The following ANO5 variants were observed in gnomAD, a reference collection of about 807,000 sequenced individuals.
The protein encoded by ANO5 is anoctamin-5.
A neutral mutation model predicts 121.0 loss-of-function variants in ANO5; 109 were observed. That is an observed-to-expected ratio of 0.90 (90% CI 0.77 to 1.06). The LOEUF (loss-of-function observed/expected upper bound fraction) is 1.06. ANO5 is among the 50% of genes least tolerant of loss of function. ANO5 has a pLI of 0.00. For synonymous variants in ANO5, 406 were observed against 359.9 expected, an observed-to-expected ratio of 1.13 and a Z score of -1.45; for missense variants, 1,064 against 1,078.5, an observed-to-expected ratio of 0.99 and a Z score of 0.19.
At chr11:22,239,727 T>G (rs376965190) in intron 9 of ANO5, 43 bp downstream of exon 9, 1 of 1,448,052 alleles carries the variant, frequency 6.9e-7, no homozygotes, top group Non-Finnish European at 9.7e-7. Flanking sequence ...AACTTGATAA[T>G]GTGATTTTTA....
At chr11:22,236,098 T>C (rs1853207132) in intron 7 of ANO5, 65 bp from the exon 8 acceptor site, 1 of 1,057,980 alleles carries the variant, frequency 9.5e-7, no homozygotes, top group Non-Finnish European at 1.5e-6. Flanking sequence ...AAATTGTGAT[T>C]GAAAGAAATG....
chr11:22,227,681 A>G lies in ANO5; in HGVS notation c.648+95A>G, dbSNP rs1008377556. 7.4e-6 allele frequency: 11 copies of G among 1,486,302 alleles called. No individual in the cohort carries two copies. In the African/African-American group the frequency reaches 1.4e-4, roughly 19 times the overall value. 92.1% of individuals were successfully genotyped at this position (1,486,302 alleles called of 1,614,324 possible). A position where few individuals can be genotyped will look rare whatever the true frequency, so the allele number is the denominator to read the frequency against. ...TGTGCAGATGTCGTACCATTTCTGC[A>G]AGGTGCTTCTGTATAGGATATAAGC... On this transcript the variant is annotated intron_variant, in intron 7 of 21. Coordinates refer to ENST00000324559, the MANE Select transcript of ANO5 (RefSeq NM_213599.3).
chr11:22,206,792 A>G (rs1268935809), intron 2 of ANO5, among the ~76,000 whole-genome samples: 1 of 152,160 alleles, frequency 6.6e-6, no homozygotes, highest in Non-Finnish European at 1.5e-5. Context: ...AGGAGCATCC[A>G]CACAACACTT....
rs762116412 is a variant in ANO5, at chr11:22,211,300, A to C, written c.124A>C (p.Asn42His). Residue 42 changes from asparagine (N) to histidine (H), a missense_variant, in exon 3 of 22, where the codon AAT becomes CAT. Transcript: ENST00000324559. The stretch of plus-strand genomic sequence containing the variant: ...CAGCAGAGAGACCAGCTTTCTCATC[A>C]ATGAAGAAACAATGGTAAGCAGCGA... ...LSSRETSFLI[N>H]EETMPAKRFN... 1.9e-6 allele frequency: 3 copies of C among 1,612,180 alleles called. No homozygotes were observed. Among genetic ancestry groups the C allele is most frequent in the Non-Finnish European group, 1.7e-6 (2 of 1,178,676 alleles).
intron 4 of ANO5, among the ~76,000 whole-genome samples, chr11:22,218,497 C>T (rs1341551550): frequency 6.6e-6 from 1 of 152,060 alleles, no homozygotes; most frequent in Non-Finnish European, 1.5e-5. Context: ...TATGCACATT[C>T]TCACACATAC....
rs1450416585 is a variant in ANO5 at position 22,282,228 on chromosome 11, G to A, written c.*2463G>A. 6.6e-6 allele frequency: 1 copy of A among 152,090 alleles called. No individual in the cohort carries two copies. Among genetic ancestry groups the A allele is most frequent in the Non-Finnish European group, 1.5e-5 (1 of 67,990 alleles). The allele number at this position is 152,090 out of a possible 1,614,324, so 9.4% of individuals were successfully genotyped here. A position where few individuals can be genotyped will look rare whatever the true frequency, so the allele number is the denominator to read the frequency against. On this transcript the variant is annotated 3_prime_UTR_variant, in exon 22 of 22. Transcript: ENST00000324559. ...CTAGGGAACATTTGAGATTTTATGT[G>A]AAATAAAATTTTAAGTGCCAAAGCC...
intron 1 of ANO5, among the ~76,000 whole-genome samples, chr11:22,195,259 G>A (rs554194273): frequency 1.9e-4 from 29 of 152,122 alleles, no homozygotes; most frequent in Non-Finnish European, 3.4e-4. Flanking sequence ...TCATTTGCCT[G>A]TTTACAAAAA....
At chr11:22,202,413 T>G (rs560440980) in intron 1 of ANO5, among the ~76,000 whole-genome samples, 2 of 152,286 alleles carry the variant, frequency 1.3e-5, no homozygotes, top group East Asian at 3.9e-4. Flanking sequence ...GGAATTGGAC[T>G]GTCATACTTG....
At chr11:22,211,366 T>C (rs1435037258) in intron 3 of ANO5, 52 bp downstream of exon 3, 9 of 1,548,788 alleles carry the variant, frequency 5.8e-6, no homozygotes, top group Non-Finnish European at 8.0e-6. Flanking sequence ...ATGGGGCATC[T>C]TTTTGTAGTC....
intron 1 of ANO5, among the ~76,000 whole-genome samples, chr11:22,194,339 C>T (rs972318019): frequency 6.6e-6 from 1 of 152,132 alleles, no homozygotes; most frequent in Non-Finnish European, 1.5e-5. Flanking sequence ...AACACAGAAA[C>T]AGTTTTCCAA....
At position 22,205,808 on chromosome 11, in the gene ANO5, A is replaced by G. The variant is rs138449522; in HGVS notation, c.87+1958A>G. Among the ~76,000 whole-genome samples, 25 of 152,234 alleles carry G rather than the reference A, an allele frequency of 1.6e-4. No individual in the cohort carries two copies. The East Asian group carries it at 4.8e-3, about 29-fold the overall frequency. On this transcript the variant is annotated intron_variant, in intron 2 of 21. Coordinates refer to ENST00000324559, the MANE Select transcript of ANO5 (RefSeq NM_213599.3). ...TATCAATATGGAATTTGTAGATACC[A>G]AAAAGATAATAAAGGAATACTACTA...
chr11:22,211,346 A>T (rs1189081264), intron 3 of ANO5, 32 bp downstream of exon 3: 2 of 1,597,660 alleles, frequency 1.3e-6, no homozygotes, highest in African/African-American at 1.3e-5. Context: ...CCTTTCTTGC[A>T]TGGACACAAA....
chr11:22,266,658 T>A (rs1450599921), intron 17 of ANO5, among the ~76,000 whole-genome samples: 1 of 152,174 alleles, frequency 6.6e-6, no homozygotes, highest in Non-Finnish European at 1.5e-5. Context: ...TGGTTACTGG[T>A]TTTTGTTTAT....
chr11:22,243,858 C>A (rs1300184327), intron 9 of ANO5, among the ~76,000 whole-genome samples: 3 of 152,112 alleles, frequency 2.0e-5, no homozygotes, highest in Non-Finnish European at 4.4e-5. Context: ...TTTGAAGAAC[C>A]AATACTTGGT....
At chr11:22,273,695 TAATC>T (rs1854716918) in intron 19 of ANO5, among the ~76,000 whole-genome samples, 1 of 152,122 alleles carries the variant, frequency 6.6e-6, no homozygotes, top group South Asian at 2.1e-4. Flanking sequence ...TAATCAGAAA[TAATC>T]AAATTAGAAA....
chr11:22,227,706 C>A, intron 7 of ANO5, 120 bp downstream of exon 7: 2 of 1,273,292 alleles, frequency 1.6e-6, no homozygotes, highest in Non-Finnish European at 2.2e-6. Flanking sequence ...AGGATATAAG[C>A]ATTTGGTGAT....
At chr11:22,212,061 C>T (rs962671042) in intron 3 of ANO5, among the ~76,000 whole-genome samples, 8 of 151,130 alleles carry the variant, frequency 5.3e-5, no homozygotes, top group Non-Finnish European at 7.4e-5. Context: ...GATCAAATAA[C>T]ATTTAGATGA....
intron 5 of ANO5, among the ~76,000 whole-genome samples, chr11:22,223,825 G>T (rs1852736618): frequency 6.6e-6 from 1 of 151,782 alleles, no homozygotes; most frequent in Admixed American, 6.6e-5. Context: ...ATATTAAAAA[G>T]GTATGAATAA....
In ANO5 at chr11:22,221,125, C is replaced by T; in HGVS notation, c.209C>T (p.Ser70Phe). ...MFQKNQQSKD[S>F]IFFRDGIRQI... ...CAAAAAAATCAGCAAAGCAAAGATTCTATCTTCTTCCGAGATGGGATTAGG... is the reference window on the plus strand; with the variant it reads ...CAAAAAAATCAGCAAAGCAAAGATTTTATCTTCTTCCGAGATGGGATTAGG... The change falls in exon 5 of 22, where the codon TCT becomes TTT. Residue 70 changes from serine to phenylalanine, a missense_variant. Ser to Phe is a radical substitution (Grantham distance 155). Coordinates refer to ENST00000324559, the MANE Select transcript of ANO5 (RefSeq NM_213599.3). 1 of 1,611,662 alleles carries T rather than the reference C, an allele frequency of 6.2e-7. No homozygotes were observed. The highest frequency in any genetic ancestry group is 1.3e-5 in the African/African-American group (1 of 74,914).
Sources: allele counts gnomAD v4.1 joint callset (sites outside exome capture counted in the v4.1 genomes callset), GRCh38; gene constraint gnomAD v4.1.1; transcripts MANE v1.5; gene names NCBI Gene and HGNC (gene_info 2026-07-23, HGNC 2026-07-21).